SRGAP3: variants seen among roughly 807,000 people sequenced by gnomAD.
SRGAP3 encodes SLIT-ROBO Rho GTPase-activating protein 3.
In SRGAP3, 39 loss-of-function variants were observed where a neutral mutation model predicts 121.1. That is an observed-to-expected ratio of 0.32 (90% CI 0.25 to 0.42). The LOEUF (loss-of-function observed/expected upper bound fraction) is 0.42, where lower values mean the gene tolerates loss of function less well. Ranked by LOEUF, SRGAP3 falls within the 10% of genes least tolerant of loss-of-function variation. SRGAP3 has a pLI of 1.00. For synonymous variants in SRGAP3, 601 were observed against 570.0 expected (o/e 1.05, Z -0.77); for missense variants, 1,213 against 1,470.6 (o/e 0.82, Z 2.86).
rs969608654 is a variant in SRGAP3 at position 8,982,040 on chromosome 3, A to G, written c.*3479T>C. 1 of 225,462 alleles carries G rather than the reference A, an allele frequency of 4.4e-6. No individual in the cohort carries two copies. The highest frequency in any genetic ancestry group is 8.9e-6 in the Non-Finnish European group (1 of 112,952). The allele number at this position is 225,462 out of a possible 1,614,324, so 14.0% of individuals were successfully genotyped here. A position where few individuals can be genotyped will look rare whatever the true frequency, so the allele number is the denominator to read the frequency against. On this transcript the variant is annotated 3_prime_UTR_variant, in exon 22 of 22. Transcript: ENST00000383836. ...CTCTTTAAGAGGAAAAGGGAATAAA[A>G]GGGGACGGGGAGAGTGGGGTAGGAA...
At chr3:9,325,517 G>A (rs1955503820) in intron 3 of SRGAP3, among the ~76,000 whole-genome samples, 1 of 151,932 alleles carries the variant, frequency 6.6e-6, no homozygotes, top group African/African-American at 2.4e-5. Context: ...TGTTATGTAT[G>A]ATGGCCTTTA....
intron 1 of SRGAP3, among the ~76,000 whole-genome samples, chr3:9,242,076 T>TAA (rs1481388126): frequency 1.7e-5 from 1 of 58,778 alleles, no homozygotes; most frequent in African/African-American, 9.9e-5. Flanking sequence ...ACACCCTAAT[T>TAA]CAAAAAAAAA....
chr3:9,269,047 T>A (rs1411506976), intron 3 of SRGAP3, among the ~76,000 whole-genome samples: 2 of 152,302 alleles, frequency 1.3e-5, no homozygotes, highest in Admixed American at 1.3e-4. Flanking sequence ...AATCTCAGTG[T>A]TGGCCGGAAC....
chr3:9,241,399 T>A (rs1953631273), intron 1 of SRGAP3, among the ~76,000 whole-genome samples: 1 of 152,168 alleles, frequency 6.6e-6, no homozygotes, highest in Admixed American at 6.5e-5. Context: ...ATGGCTAATA[T>A]GAACTCTCAG....
intron 1 of SRGAP3, among the ~76,000 whole-genome samples, chr3:9,342,439 C>T (rs969590393): frequency 1.3e-5 from 2 of 152,136 alleles, no homozygotes; most frequent in African/African-American, 4.8e-5. Flanking sequence ...CTTGGTGGTA[C>T]TCTACATACA....
intron 1 of SRGAP3, among the ~76,000 whole-genome samples, chr3:9,220,927 G>T (rs1053649023): frequency 1.3e-5 from 2 of 152,142 alleles, no homozygotes; most frequent in African/African-American, 4.8e-5. Flanking sequence ...CTGCCTCACA[G>T]CCCAGGGCAG....
chr3:9,079,501 T>C (rs1947136659), intron 4 of SRGAP3, among the ~76,000 whole-genome samples: 1 of 152,268 alleles, frequency 6.6e-6, no homozygotes, highest in South Asian at 2.1e-4. Context: ...CACACTGTGA[T>C]GTTATGAAAC....
At chr3:9,152,340 G>T (rs1342532449) in intron 1 of SRGAP3, among the ~76,000 whole-genome samples, 1 of 152,244 alleles carries the variant, frequency 6.6e-6, no homozygotes, top group Admixed American at 6.5e-5. Context: ...CCAAGGTGGA[G>T]ATGGGAGAGG....
chr3:9,136,264 A>G (rs1447986000), intron 1 of SRGAP3, among the ~76,000 whole-genome samples: 1 of 151,682 alleles, frequency 6.6e-6, no homozygotes, highest in African/African-American at 2.4e-5. Context: ...CCTCCTGTAC[A>G]CCGAGAGGCG....
At chr3:9,263,496 G>T (rs1177882254) in intron 3 of SRGAP3, among the ~76,000 whole-genome samples, 1 of 152,084 alleles carries the variant, frequency 6.6e-6, no homozygotes, top group Non-Finnish European at 1.5e-5. Context: ...AACAAGAAAA[G>T]AGAGATGAAT....
intron 1 of SRGAP3, chr3:9,348,337 T>C (rs1194708916): frequency 5.2e-6 from 2 of 384,944 alleles, no homozygotes; most frequent in South Asian, 2.7e-5. Flanking sequence ...AAAAGAAGAG[T>C]GGAAAGAAAA....
chr3:9,015,453 T>C, intron 15 of SRGAP3, 144 bp downstream of exon 15: 2 of 1,083,824 alleles, frequency 1.8e-6, no homozygotes, highest in Non-Finnish European at 2.7e-6. Context: ...TCTTGTTATT[T>C]CCGCTTTCAG....
chr3:9,031,452 G>T (rs575462472), intron 12 of SRGAP3, among the ~76,000 whole-genome samples: 22 of 152,116 alleles, frequency 1.4e-4, no homozygotes, highest in Middle Eastern at 3.4e-3. Flanking sequence ...CTACGCTTTG[G>T]TCTTCTTAGG....
chr3:9,349,434 G>T (rs185282802), intron 1 of SRGAP3, among the ~76,000 whole-genome samples: 1 of 152,362 alleles, frequency 6.6e-6, no homozygotes, highest in Admixed American at 6.5e-5. Context: ...GCTGTGGAAA[G>T]CTCCTCTTGT....
At position 8,990,539 on chromosome 3, in the gene SRGAP3, C is replaced by T; in HGVS notation, c.2859G>A (p.Lys953=). 1 of 1,567,646 alleles carries T rather than the reference C, an allele frequency of 6.4e-7. No individual in the cohort carries two copies. The highest frequency in any genetic ancestry group is 1.9e-5 in the Admixed American group (1 of 52,644). ...STRHSSLGDH[K]SLEAEALAED... is the part of the protein sequence containing the mutation. ...CTGCCAGGGCCTCGGCCTCCAGGGA[C>T]TTGTGGTCCCCTAGGCTGCTGTGCC... The change falls in exon 21 of 22, where the codon AAG becomes AAA. Residue 953 remains lysine, a synonymous_variant. Coordinates refer to ENST00000383836, the MANE Select transcript of SRGAP3 (RefSeq NM_014850.4).
At chr3:9,071,771 C>T (rs1238989275) in intron 4 of SRGAP3, among the ~76,000 whole-genome samples, 1 of 151,932 alleles carries the variant, frequency 6.6e-6, no homozygotes, top group Non-Finnish European at 1.5e-5. Context: ...AGTTCTACTG[C>T]CTCTGATCTA....
intron 1 of SRGAP3, among the ~76,000 whole-genome samples, chr3:9,242,256 C>A (rs1953672233): frequency 6.6e-6 from 1 of 152,134 alleles, no homozygotes; most frequent in African/African-American, 2.4e-5. Flanking sequence ...GACTTCCCAG[C>A]CTCCAGAATT....
intron 1 of SRGAP3, among the ~76,000 whole-genome samples, chr3:9,247,992 A>G (rs1953883884): frequency 1.3e-5 from 2 of 152,224 alleles, no homozygotes; most frequent in Admixed American, 1.3e-4. Context: ...TAGCCATGCA[A>G]TTGTGTTCCC....
At chr3:9,219,056 A>C (rs1952720198) in intron 1 of SRGAP3, among the ~76,000 whole-genome samples, 2 of 152,078 alleles carry the variant, frequency 1.3e-5, no homozygotes, top group Non-Finnish European at 2.9e-5. Flanking sequence ...GCTGGTCTTG[A>C]ATTCCTGGCC....
Sources: gnomAD v4.1 joint callset for allele counts (sites outside exome capture counted in the v4.1 genomes callset) on GRCh38, gnomAD v4.1.1 for gene constraint, MANE v1.5 for transcripts, NCBI Gene and HGNC (gene_info 2026-07-23, HGNC 2026-07-21) for gene names.